KIAA0586: variants seen among roughly 807,000 people sequenced by gnomAD.
KIAA0586 encodes KIAA0586, also known as protein TALPID3.
A neutral mutation model predicts 169.8 loss-of-function variants in KIAA0586; 144 were observed. The ratio of observed to expected loss-of-function variants is 0.85; its 90% CI spans 0.74 to 0.97. KIAA0586 has a LOEUF of 0.97. Ranked by LOEUF, KIAA0586 falls within the 50% of genes least tolerant of loss-of-function variation. The pLI is 0.00. For synonymous variants in KIAA0586, 625 were observed against 612.4 expected (o/e 1.02, Z -0.30); for missense variants, 1,854 against 1,823.0 (o/e 1.02, Z -0.31).
intron 26 of KIAA0586, among the ~76,000 whole-genome samples, chr14:58,498,282 C>T (rs1259734030): frequency 2.6e-5 from 4 of 151,574 alleles, no homozygotes; most frequent in Non-Finnish European, 5.9e-5. Context: ...TTCAAGCTAG[C>T]CTCCTGCCTC....
At chr14:58,499,529 G>A (rs1488993339) in intron 27 of KIAA0586, among the ~76,000 whole-genome samples, 4 of 151,394 alleles carry the variant, frequency 2.6e-5, no homozygotes, top group African/African-American at 9.7e-5. Flanking sequence ...TGGAATTACA[G>A]GTGTGAGCCA....
At position 58,484,156 on chromosome 14, in the gene KIAA0586, C is replaced by T. The variant is rs545581547; in HGVS notation, c.3144+1444C>T. Among the ~76,000 whole-genome samples, 6 of 152,230 alleles carry T rather than the reference C, an allele frequency of 3.9e-5. No individual in the cohort carries two copies. In the South Asian group the frequency reaches 1.2e-3, roughly 32 times the overall value. On this transcript the variant is annotated intron_variant, in intron 21 of 30. Coordinates refer to ENST00000652326, the MANE Select transcript of KIAA0586 (RefSeq NM_001329943.3). Reference sequence around the variant, plus strand: ...TGAATTTGAATTCCAAGCTCCACTACTTTAGTTTTATGTCTATAATAAAGA... The same window carrying T: ...TGAATTTGAATTCCAAGCTCCACTATTTTAGTTTTATGTCTATAATAAAGA...
chr14:58,479,220 A>G (rs893250683), intron 20 of KIAA0586, among the ~76,000 whole-genome samples: 5 of 152,186 alleles, frequency 3.3e-5, no homozygotes, highest in African/African-American at 9.7e-5. Flanking sequence ...GCCATTTCTG[A>G]ACATATGTGG....
Position 58,547,964 on chromosome 14 carries a change from C to A in KIAA0586, c.*32C>A, listed in dbSNP as rs868153679. 2 of 1,607,308 alleles carry A rather than the reference C, an allele frequency of 1.2e-6. No homozygotes were observed. Among genetic ancestry groups the A allele is most frequent in the Admixed American group, 3.4e-5 (2 of 59,506 alleles). ...AGAGACAGCCAGCACAGTGTTTATG[C>A]CACTGGTTTTAAAGTCATTTTACCT... On this transcript the variant is annotated 3_prime_UTR_variant, in exon 31 of 31. Coordinates refer to ENST00000652326, the MANE Select transcript of KIAA0586 (RefSeq NM_001329943.3).
chr14:58,444,650 C>T (rs959793917), intron 6 of KIAA0586, among the ~76,000 whole-genome samples: 7 of 152,038 alleles, frequency 4.6e-5, no homozygotes, highest in African/African-American at 1.7e-4. Flanking sequence ...TCTCTAACTC[C>T]TGACCTCAAG....
chr14:58,486,155 A>G (rs143572997), intron 21 of KIAA0586, among the ~76,000 whole-genome samples: 603 of 152,072 alleles, frequency 4.0e-3, no homozygotes, highest in Middle Eastern at 0.01. Context: ...GTTTATGTCT[A>G]TGTGTGCTCA....
chr14:58,478,258 A>G (rs2041793000), intron 20 of KIAA0586, among the ~76,000 whole-genome samples: 1 of 152,306 alleles, frequency 6.6e-6, no homozygotes, highest in African/African-American at 2.4e-5. Context: ...CAAGGAGGGC[A>G]GATCACCTGA....
At position 58,482,587 on chromosome 14, in the gene KIAA0586, C is replaced by T. The variant is rs533428098; in HGVS notation, c.3019C>T (p.His1007Tyr). ...GVPVNSNVIK[H>Y]FVNEALAETI... Reference sequence around the variant, plus strand: ...TCCTGTGAACTCAAATGTGATTAAACATTTTGTTAACGAAGCTCTTGCTGA... The same window carrying T: ...TCCTGTGAACTCAAATGTGATTAAATATTTTGTTAACGAAGCTCTTGCTGA... The change falls in exon 21 of 31, where the codon CAT becomes TAT. Residue 1007 changes from histidine (H) to tyrosine (Y), a missense_variant. Transcript: ENST00000652326. 1 of 1,604,312 alleles carries T rather than the reference C, an allele frequency of 6.2e-7. No homozygotes were observed. The highest frequency in any genetic ancestry group is 1.3e-5 in the African/African-American group (1 of 74,480).
chr14:58,541,859 C>G (rs977760101), intron 30 of KIAA0586, among the ~76,000 whole-genome samples: 1 of 152,112 alleles, frequency 6.6e-6, no homozygotes, highest in Non-Finnish European at 1.5e-5. Context: ...CCCATGGAAT[C>G]AAGGAATAGT....
At chr14:58,478,091 C>T (rs1225005603) in intron 20 of KIAA0586, among the ~76,000 whole-genome samples, 1 of 152,190 alleles carries the variant, frequency 6.6e-6, no homozygotes, top group Non-Finnish European at 1.5e-5. Context: ...ATGATCATAA[C>T]TCACTGTAAC....
intron 3 of KIAA0586, among the ~76,000 whole-genome samples, chr14:58,431,368 T>A (rs1272790561): frequency 2.6e-5 from 4 of 152,080 alleles, no homozygotes; most frequent in Non-Finnish European, 5.9e-5. Context: ...GTTCAAGCAA[T>A]TGTCCTGCCT....
In KIAA0586 at chr14:58,498,886, C is replaced by G. The variant is rs752429234; in HGVS notation, c.4094C>G (p.Pro1365Arg). The part of the protein sequence containing the change: ...LMGHSLYMQP[P>R]VTNTQSLDQQ... The stretch of plus-strand genomic sequence containing the variant: ...GGACATTCTCTCTATATGCAGCCAC[C>G]TGTCACTAATACACAGTCTTTGGAT... The change falls in exon 27 of 31, where the codon CCT (proline) becomes CGT (arginine). Residue 1365 changes from proline to arginine, a missense_variant. Coordinates refer to ENST00000652326, the MANE Select transcript of KIAA0586 (RefSeq NM_001329943.3). 4 of 1,612,750 alleles carry G rather than the reference C, an allele frequency of 2.5e-6. No homozygotes were observed. The highest frequency in any genetic ancestry group is 3.4e-6 in the Non-Finnish European group (4 of 1,179,396).
At chr14:58,427,411 G>C, upstream of KIAA0586, 1 of 567,540 alleles carries the variant, frequency 1.8e-6, no homozygotes, top group Non-Finnish European at 3.1e-6. Context: ...CGTCCCTAAC[G>C]GTCTTCGGAA....
At chr14:58,532,847 C>G (rs970819076) in intron 29 of KIAA0586, among the ~76,000 whole-genome samples, 2 of 152,154 alleles carry the variant, frequency 1.3e-5, no homozygotes, top group Non-Finnish European at 2.9e-5. Context: ...GCTATTTGCT[C>G]TCTGTTAAAA....
rs745726585 is a variant in KIAA0586, at chr14:58,461,161, G to C, written c.2059+1G>C. ...CCAAAAGTAATAGAACGAGTTAAAGGTAAGGAATCTCATTTTTAATGTTTA... is the reference window on the plus strand; with the variant it reads ...CCAAAAGTAATAGAACGAGTTAAAGCTAAGGAATCTCATTTTTAATGTTTA... On this transcript the variant is annotated splice_donor_variant, in intron 14 of 30. Transcript: ENST00000652326. LOFTEE classifies it high-confidence loss of function. 1 of 1,549,460 alleles carries C rather than the reference G, an allele frequency of 6.5e-7. No individual in the cohort carries two copies. The highest frequency in any genetic ancestry group is 1.4e-5 in the African/African-American group (1 of 71,254).
chr14:58,495,670 T>G (rs917206530), intron 26 of KIAA0586, among the ~76,000 whole-genome samples: 2 of 152,104 alleles, frequency 1.3e-5, no homozygotes, highest in Admixed American at 1.3e-4. Flanking sequence ...TTGCAAGGCT[T>G]TTTAAAATTT....
chr14:58,502,842 G>A (rs899281401), intron 27 of KIAA0586, among the ~76,000 whole-genome samples: 2 of 152,160 alleles, frequency 1.3e-5, no homozygotes, highest in Admixed American at 1.3e-4. Context: ...GACTATAACT[G>A]TGGTCCATAG....
At chr14:58,553,460 AAGCAAT>A (rs1284902910), downstream of KIAA0586, among the ~76,000 whole-genome samples, 2 of 152,200 alleles carry the variant, frequency 1.3e-5, no homozygotes, top group Non-Finnish European at 2.9e-5. Flanking sequence ...TAGAAAAGGA[AAGCAAT>A]AGCTTTTAGT....
At chr14:58,542,442 A>G (rs965595158) in intron 30 of KIAA0586, among the ~76,000 whole-genome samples, 1 of 151,204 alleles carries the variant, frequency 6.6e-6, no homozygotes, top group Non-Finnish European at 1.5e-5. Context: ...ATGCCATTGC[A>G]CTCCAGCCTG....
Sources: allele counts gnomAD v4.1 joint callset (sites outside exome capture counted in the v4.1 genomes callset), GRCh38; gene constraint gnomAD v4.1.1; transcripts MANE v1.5; gene names NCBI Gene and HGNC (gene_info 2026-07-23, HGNC 2026-07-21).